Variants in GRIN2A observed in about 807,000 individuals in gnomAD.
GRIN2A encodes the protein glutamate ionotropic receptor NMDA type subunit 2A.
In GRIN2A, 22 loss-of-function variants were observed where a neutral mutation model predicts 113.4. The ratio of observed to expected loss-of-function variants is 0.19; its 90% CI spans 0.14 to 0.28. The LOEUF (loss-of-function observed/expected upper bound fraction) is 0.28. Among genes scored for constraint, GRIN2A ranks in the 10% least tolerant of loss-of-function variants. GRIN2A has a pLI of 1.00. For missense variants in GRIN2A, 1,502 were observed against 1,887.0 expected (o/e 0.80, Z 3.78); for synonymous variants, 827 against 738.4 (o/e 1.12, Z -1.94).
At chr16:9,806,687 GAGA>G (rs980362908) in intron 10 of GRIN2A, among the ~76,000 whole-genome samples, 1 of 151,902 alleles carries the variant, frequency 6.6e-6, no homozygotes, top group Non-Finnish European at 1.5e-5. Context: ...AAGAGAAACA[GAGA>G]AGGAGAAAGA....
chr16:9,944,615 T>G (rs1452206738), intron 2 of GRIN2A, among the ~76,000 whole-genome samples: 1 of 152,142 alleles, frequency 6.6e-6, no homozygotes, highest in Non-Finnish European at 1.5e-5. Flanking sequence ...TCGTATGTGG[T>G]TGCCTAGTTG....
chr16:9,850,015 G>T, intron 4 of GRIN2A, 54 bp from the exon 5 acceptor site: 1 of 1,482,780 alleles, frequency 6.7e-7, no homozygotes, highest in Non-Finnish European at 9.4e-7. Context: ...CTGATTTCTG[G>T]AGAGGCAAAT....
At chr16:10,008,814 T>A (rs754203769) in intron 2 of GRIN2A, among the ~76,000 whole-genome samples, 11 of 152,200 alleles carry the variant, frequency 7.2e-5, no homozygotes, top group Non-Finnish European at 1.3e-4. Context: ...GATTTACAGG[T>A]ACCAACAAAT....
Position 9,918,355 on chromosome 16 carries a change from A to T in GRIN2A, c.1007+19604T>A, listed in dbSNP as rs1328200334. ...GTATCATGTTTCTTCTTACACAGAC[A>T]TACATACCTATGATAAAGTTCATGA... On this transcript the variant is annotated intron_variant, in intron 3 of 12. Transcript: ENST00000330684. Among the ~76,000 whole-genome samples the T allele has an allele frequency of 2.0e-5, 3 of 152,240 alleles. No homozygotes were observed. In the South Asian group the frequency reaches 6.2e-4, roughly 31 times the overall value.
intron 10 of GRIN2A, chr16:9,805,688 T>C (rs1256285130): frequency 6.6e-6 from 1 of 152,188 alleles, no homozygotes; most frequent in Admixed American, 6.5e-5. Flanking sequence ...GGCTGTTGGA[T>C]GGATTAAAAT....
Position 9,902,504 on chromosome 16 carries a change from C to T in GRIN2A, c.1008-11404G>A, listed in dbSNP as rs2043948425. On this transcript the variant is annotated intron_variant, in intron 3 of 12. Transcript: ENST00000330684. ...GCACAAGAAAGAATTCAATGCCTATCTTCTTTAAGCTACTTTTATGTTTTA... is the reference window on the plus strand; with the variant it reads ...GCACAAGAAAGAATTCAATGCCTATTTTCTTTAAGCTACTTTTATGTTTTA... 2.0e-5 allele frequency among the ~76,000 whole-genome samples: 3 copies of T among 152,204 alleles called. No individual in the cohort carries two copies. In the South Asian group the frequency reaches 6.2e-4, roughly 32 times the overall value.
At chr16:10,105,460 A>G (rs1445015693) in intron 2 of GRIN2A, among the ~76,000 whole-genome samples, 1 of 151,322 alleles carries the variant, frequency 6.6e-6, no homozygotes, top group Non-Finnish European at 1.5e-5. Flanking sequence ...TAATAGAGAA[A>G]CTACAAATTT....
intron 9 of GRIN2A, among the ~76,000 whole-genome samples, chr16:9,825,608 G>A (rs1321507249): frequency 6.6e-6 from 1 of 152,098 alleles, no homozygotes; most frequent in Non-Finnish European, 1.5e-5. Flanking sequence ...ATATCTATCT[G>A]TCTTCTGTGC....
At chr16:9,873,053 G>A (rs34814878) in intron 4 of GRIN2A, among the ~76,000 whole-genome samples, 34,333 of 151,746 alleles carry the variant, frequency 0.23, 4,037 homozygotes, top group African/African-American at 0.25. Context: ...TCAGGTGTTA[G>A]AAAAAAGAAA....
At chr16:10,135,348 C>T (rs1349653993) in intron 2 of GRIN2A, among the ~76,000 whole-genome samples, 1 of 152,182 alleles carries the variant, frequency 6.6e-6, no homozygotes, top group African/African-American at 2.4e-5. Flanking sequence ...TTTAGGTAGT[C>T]TCTAAAATGA....
At position 10,180,244 on chromosome 16, in the gene GRIN2A, G is replaced by A. The variant is rs748684701; in HGVS notation, c.168C>T (p.Gly56=). 4 of 1,614,014 alleles carry A rather than the reference G, an allele frequency of 2.5e-6. No homozygotes were observed. Among genetic ancestry groups the A allele is most frequent in the Non-Finnish European group, 3.4e-6 (4 of 1,180,026 alleles). ...GGGGCAGCCCCGCCGCCTGCTCGGG[G>A]CCCCACAGTGTTCGAAGTTCGCGCT... ...VTERELRTLW[G]PEQAAGLPLD... is the part of the protein sequence containing the mutation. Residue 56 remains glycine (G), a synonymous_variant, in exon 2 of 13, where the codon GGC becomes GGT. Coordinates refer to ENST00000330684, the MANE Select transcript of GRIN2A (RefSeq NM_001134407.3). This position sits in a 1 kb window ranked among gnomAD's most constrained non-coding sequence, Gnocchi z 7.0.
intron 3 of GRIN2A, among the ~76,000 whole-genome samples, chr16:9,902,517 C>A (rs558933092): frequency 6.6e-6 from 1 of 152,302 alleles, no homozygotes; most frequent in African/African-American, 2.4e-5. Flanking sequence ...CTTTAAGCTA[C>A]TTTTATGTTT....
At chr16:10,146,370 G>A (rs779680154) in intron 2 of GRIN2A, among the ~76,000 whole-genome samples, 4 of 152,020 alleles carry the variant, frequency 2.6e-5, no homozygotes, top group Non-Finnish European at 4.4e-5. Flanking sequence ...CGCCCACCTC[G>A]GCCTCCCACA....
chr16:9,757,357 AC>A lies in GRIN2A; in HGVS notation c.*5791del. The A allele has an allele frequency of 4.5e-6, 1 of 220,718 alleles. No homozygotes were observed. The highest frequency in any genetic ancestry group is 1.9e-4 in the South Asian group (1 of 5,332). 13.7% of individuals were successfully genotyped at this position (220,718 alleles called of 1,614,324 possible). On this transcript the variant is annotated 3_prime_UTR_variant, in exon 13 of 13. Transcript: ENST00000330684. ...GAGTTACTTAAAGGTTTAGGGAAGGACTTTTTTTTTTTTTTTAAAAAAGGTA... is the reference window on the plus strand; with the variant it reads ...GAGTTACTTAAAGGTTTAGGGAAGGATTTTTTTTTTTTTTTAAAAAAGGTA...
chr16:10,059,896 T>C lies in GRIN2A; in HGVS notation c.414+120102A>G, dbSNP rs547286338. ...TTTCCAACAGAGATAATACAGGAAATTGGTTACATAGGAGCCACTGGGACA... is the reference window on the plus strand; with the variant it reads ...TTTCCAACAGAGATAATACAGGAAACTGGTTACATAGGAGCCACTGGGACA... On this transcript the variant is annotated intron_variant, in intron 2 of 12. Transcript: ENST00000330684. Among the ~76,000 whole-genome samples, 5 of 151,858 alleles carry C rather than the reference T, an allele frequency of 3.3e-5. No individual in the cohort carries two copies. The East Asian group carries it at 5.8e-4, about 18-fold the overall frequency.
chr16:10,128,050 ACT>A (rs1252144062), intron 2 of GRIN2A, among the ~76,000 whole-genome samples: 1 of 151,956 alleles, frequency 6.6e-6, no homozygotes, highest in Admixed American at 6.6e-5. Flanking sequence ...CCCAAAAAAG[ACT>A]CTGCACGCCA....
chr16:10,157,794 A>T (rs937664604), intron 2 of GRIN2A, among the ~76,000 whole-genome samples: 2 of 152,216 alleles, frequency 1.3e-5, no homozygotes, highest in African/African-American at 2.4e-5. Flanking sequence ...ACCATATCAT[A>T]TGCTAAGTGA....
intron 2 of GRIN2A, among the ~76,000 whole-genome samples, chr16:10,149,037 CAGAG>C (rs1220638129): frequency 1.3e-5 from 2 of 152,104 alleles, no homozygotes; most frequent in African/African-American, 2.4e-5. Context: ...AACCCACAGA[CAGAG>C]AGAGTAGTGC....
chr16:10,073,607 A>C (rs530259127), intron 2 of GRIN2A, among the ~76,000 whole-genome samples: 1 of 152,308 alleles, frequency 6.6e-6, no homozygotes, highest in African/African-American at 2.4e-5. Flanking sequence ...CCTAGAGGTG[A>C]AAAATGGATC....
Sources: gnomAD v4.1 joint callset for allele counts (sites outside exome capture counted in the v4.1 genomes callset) on GRCh38, gnomAD v4.1.1 for gene constraint, Gnocchi (gnomAD v3.1) non-coding constraint, MANE v1.5 for transcripts, NCBI Gene and HGNC (gene_info 2026-07-23, HGNC 2026-07-21) for gene names.